The following TMEM106B variants were observed in gnomAD, a reference collection of about 807,000 sequenced individuals.
TMEM106B encodes transmembrane protein 106B.
TMEM106B carries 15 observed loss-of-function variants against 31.1 expected under a neutral mutation model. The ratio of observed to expected loss-of-function variants is 0.48; its 90% confidence interval spans 0.32 to 0.74. The LOEUF (loss-of-function observed/expected upper bound fraction) is 0.74, where lower values mean the gene tolerates loss of function less well. Ranked by LOEUF, TMEM106B falls within the 30% of genes least tolerant of loss-of-function variation. The probability of loss-of-function intolerance (pLI) is 0.03; values close to 1 mark genes in which losing one functional copy is unlikely to be tolerated. For missense variants in TMEM106B, 283 were observed against 327.3 expected (o/e 0.86, Z 1.04); for synonymous variants, 126 against 112.5 (o/e 1.12, Z -0.76).
rs1651692835 is a variant in TMEM106B, at chr7:12,232,758, G to T, written c.*783G>T. On this transcript the variant is annotated 3_prime_UTR_variant, in exon 8 of 8. Transcript: ENST00000396668. ...GCTTTAGTAAATGTCAAATAAAGTG[G>T]TACAGACTCATTACAACAAGTTTCT... 1 of 152,174 alleles carries T rather than the reference G, an allele frequency of 6.6e-6. No homozygotes were observed. Among genetic ancestry groups the T allele is most frequent in the Non-Finnish European group, 1.5e-5 (1 of 67,786 alleles). 9.4% of individuals were successfully genotyped at this position (152,174 alleles called of 1,614,324 possible). A position where few individuals can be genotyped will look rare whatever the true frequency, so the allele number is the denominator to read the frequency against.
intron 1 of TMEM106B, 70 bp downstream of exon 1, chr7:12,211,495 T>A (rs1278621335): frequency 6.6e-6 from 1 of 152,490 alleles, no homozygotes; most frequent in Non-Finnish European, 1.5e-5. Context: ...CGCCGCGGCT[T>A]GAGCCGGGCC....
At chr7:12,223,260 AGTAT>A (rs979273885) in intron 3 of TMEM106B, among the ~76,000 whole-genome samples, 12 of 152,232 alleles carry the variant, frequency 7.9e-5, no homozygotes, top group African/African-American at 1.2e-4. Context: ...TTAAAAACTG[AGTAT>A]GTAAGTACTT....
chr7:12,227,197 G>C (rs191984237), intron 4 of TMEM106B, among the ~76,000 whole-genome samples: 145 of 152,122 alleles, frequency 9.5e-4, no homozygotes, highest in Non-Finnish European at 1.4e-3. Flanking sequence ...AATGAGATAA[G>C]AGGCTGAATT....
chr7:12,237,113 A>G lies in TMEM106B; in HGVS notation c.*5138A>G, dbSNP rs1459643561. ...TAATTATTATTGCTGTTCATGTAAC[A>G]AAACATGCTTATAATAGCAAACAAA... On this transcript the variant is annotated 3_prime_UTR_variant, in exon 8 of 8. Coordinates refer to ENST00000396668, the MANE Select transcript of TMEM106B (RefSeq NM_001134232.2). The G allele has an allele frequency of 4.0e-5, 1 of 24,854 alleles. No individual in the cohort carries two copies. Among genetic ancestry groups the G allele is most frequent in the Non-Finnish European group, 7.4e-5 (1 of 13,496 alleles). 1.5% of individuals were successfully genotyped at this position (24,854 alleles called of 1,614,324 possible).
intron 6 of TMEM106B, 100 bp downstream of exon 6, chr7:12,230,538 AAAAGAGTAC>A: frequency 1.3e-6 from 1 of 769,530 alleles, no homozygotes; most frequent in Non-Finnish European, 2.1e-6. Flanking sequence ...TTATCAGTCA[AAAAGAGTAC>A]ATTATGTAGT....
In TMEM106B at chr7:12,224,339, A is replaced by G. The variant is rs768774025; in HGVS notation, c.395A>G (p.Tyr132Cys). 5 of 1,613,932 alleles carry G rather than the reference A, an allele frequency of 3.1e-6. No individual in the cohort carries two copies. The highest frequency in any genetic ancestry group is 4.2e-6 in the Non-Finnish European group (5 of 1,179,852). Residue 132 changes from tyrosine to cysteine, a missense_variant, in exon 4 of 8, where the codon TAT becomes TGT. By Grantham distance (194) the Tyr-to-Cys change is radical. Transcript: ENST00000396668. ...AAATACATTGGTGTAAAATCAGCCT[A>G]TGTCAGTTATGATGTTCAGAAGCGT... is the stretch of plus-strand genomic sequence containing the variant. The part of the protein sequence containing the change: ...DVKYIGVKSA[Y>C]VSYDVQKRTI...
chr7:12,240,820 T>A lies in TMEM106B; in HGVS notation c.*8845T>A, dbSNP rs1329613634. On this transcript the variant is annotated 3_prime_UTR_variant, in exon 8 of 8. Transcript: ENST00000396668. ...TGCTTTGATTTGAGAGCAGAAGACCTGCAGCCCCTGACTGCTCACCTTTCC... is the reference window on the plus strand; with the variant it reads ...TGCTTTGATTTGAGAGCAGAAGACCAGCAGCCCCTGACTGCTCACCTTTCC... The A allele has an allele frequency of 6.6e-6, 1 of 152,124 alleles. No individual in the cohort carries two copies. Among genetic ancestry groups the A allele is most frequent in the East Asian group, 1.9e-4 (1 of 5,188 alleles). The allele number at this position is 152,124 out of a possible 1,614,324, so 9.4% of individuals were successfully genotyped here. A position where few individuals can be genotyped will look rare whatever the true frequency, so the allele number is the denominator to read the frequency against.
At position 12,232,143 on chromosome 7, in the gene TMEM106B, CTG is replaced by C; in HGVS notation, c.*172_*173del. ...CCTGCAGTTCTTGTAACTCTCCACT[CTG>C]TGTTAATGATATATTTGTACTAGGA... On this transcript the variant is annotated 3_prime_UTR_variant, in exon 8 of 8. Coordinates refer to ENST00000396668, the MANE Select transcript of TMEM106B (RefSeq NM_001134232.2). 1 of 517,512 alleles carries C rather than the reference CTG, an allele frequency of 1.9e-6. No homozygotes were observed. 32.1% of individuals were successfully genotyped at this position (517,512 alleles called of 1,614,324 possible). A position where few individuals can be genotyped will look rare whatever the true frequency, so the allele number is the denominator to read the frequency against.
rs1283609269 is a variant in TMEM106B, at chr7:12,214,882, A to C, written c.72A>C (p.Glu24Asp). The C allele has an allele frequency of 6.2e-7, 1 of 1,614,076 alleles. No homozygotes were observed. Among genetic ancestry groups the C allele is most frequent in the East Asian group, 2.2e-5 (1 of 44,856 alleles). Reference sequence around the variant, plus strand: ...ATGCTTATGATGGAGTCACATCTGAAAACATGAGGAATGGACTGGTTAATA... The same window carrying C: ...ATGCTTATGATGGAGTCACATCTGACAACATGAGGAATGGACTGGTTAATA... ...KEDAYDGVTS[E>D]NMRNGLVNSE... The change falls in exon 2 of 8, where the codon GAA becomes GAC. Residue 24 changes from glutamate (E) to aspartate (D), a missense_variant. Around this residue, in one of 3 missense-constraint regions of TMEM106B, gnomAD observed 77 missense variants for 89.4 expected, o/e 0.86. Coordinates refer to ENST00000396668, the MANE Select transcript of TMEM106B (RefSeq NM_001134232.2).
intron 2 of TMEM106B, among the ~76,000 whole-genome samples, 187 bp from the exon 3 acceptor site, chr7:12,218,271 C>T (rs761277969): frequency 7.6e-5 from 11 of 144,856 alleles, no homozygotes; most frequent in Admixed American, 2.1e-4. Flanking sequence ...TAGACATTTA[C>T]GTGTGAAAAA....
rs1782151414 is a variant in TMEM106B, at chr7:12,237,037, CT to C, written c.*5063del. The C allele has an allele frequency of 6.6e-6, 1 of 150,976 alleles. No individual in the cohort carries two copies. The highest frequency in any genetic ancestry group is 2.1e-4 in the South Asian group (1 of 4,828). The allele number at this position is 150,976 out of a possible 1,614,324, so 9.4% of individuals were successfully genotyped here. On this transcript the variant is annotated 3_prime_UTR_variant, in exon 8 of 8. Coordinates refer to ENST00000396668, the MANE Select transcript of TMEM106B (RefSeq NM_001134232.2). ...TTTACTGTTTATATTATGTAGTAGC[CT>C]CCATCATGACACACTTACTACATTT... is the stretch of plus-strand genomic sequence containing the variant.
intron 7 of TMEM106B, 121 bp downstream of exon 7, chr7:12,231,236 A>G (rs953426715): frequency 1.4e-6 from 1 of 702,366 alleles, no homozygotes; most frequent in East Asian, 2.8e-5. Flanking sequence ...AAGCCTTACA[A>G]GAGTGCTATG....
At chr7:12,223,805 C>T (rs1192966677) in intron 3 of TMEM106B, among the ~76,000 whole-genome samples, 1 of 150,338 alleles carries the variant, frequency 6.7e-6, no homozygotes, top group African/African-American at 2.5e-5. Context: ...ACTCCAACCT[C>T]TGCCTCCCGG....
Position 12,229,838 on chromosome 7 carries a change from A to C in TMEM106B, c.582+19A>C. 1 of 1,589,718 alleles carries C rather than the reference A, an allele frequency of 6.3e-7. No individual in the cohort carries two copies. On this transcript the variant is annotated intron_variant, in intron 5 of 7. Transcript: ENST00000396668. ...GAAACAAGTAAGAATCAATCATGAA[A>C]TACTTTGTAAGAGTTAAATGAATGT...
chr7:12,218,471 A>G lies in TMEM106B; in HGVS notation c.231A>G (p.Gln77=), dbSNP rs765398796. The G allele has an allele frequency of 1.1e-5, 18 of 1,612,632 alleles. No homozygotes were observed. The Admixed American group carries it at 1.2e-4, about 10-fold the overall frequency. The change falls in exon 3 of 8, where the codon CAA becomes CAG. Residue 77 remains glutamine (Q), a synonymous_variant. Transcript: ENST00000396668. ...TTTCACATTTAGGGCAAGAAAACCAACTGGTGGCATTGATTCCATATAGTG... is the reference window on the plus strand; with the variant it reads ...TTTCACATTTAGGGCAAGAAAACCAGCTGGTGGCATTGATTCCATATAGTG... ...TGRIPRGQEN[Q]LVALIPYSDQ...
In TMEM106B at chr7:12,237,486, C is replaced by T. The variant is rs765181937; in HGVS notation, c.*5511C>T. ...GGAATTTATCTCATACGTGAAATTT[C>T]CCTTGATATTATAGACATACCTTGG... is the stretch of plus-strand genomic sequence containing the variant. On this transcript the variant is annotated 3_prime_UTR_variant, in exon 8 of 8. Coordinates refer to ENST00000396668, the MANE Select transcript of TMEM106B (RefSeq NM_001134232.2). 2.6e-5 allele frequency: 4 copies of T among 152,030 alleles called. No individual in the cohort carries two copies. Among genetic ancestry groups the T allele is most frequent in the Non-Finnish European group, 5.9e-5 (4 of 68,022 alleles). 9.4% of individuals were successfully genotyped at this position (152,030 alleles called of 1,614,324 possible).
At chr7:12,216,605 A>C (rs2128524325) in intron 2 of TMEM106B, among the ~76,000 whole-genome samples, 1 of 152,314 alleles carries the variant, frequency 6.6e-6, no homozygotes, top group African/African-American at 2.4e-5. Flanking sequence ...TAGTCAGTGC[A>C]GATGGCAAAA....
chr7:12,224,932 T>G (rs1417809609), intron 4 of TMEM106B, among the ~76,000 whole-genome samples: 2 of 152,082 alleles, frequency 1.3e-5, no homozygotes. Context: ...GTTTGTTACA[T>G]ATGTATACAG....
chr7:12,237,962 G>A lies in TMEM106B; in HGVS notation c.*5987G>A, dbSNP rs1026127129. 3 of 152,096 alleles carry A rather than the reference G, an allele frequency of 2.0e-5. No homozygotes were observed. Among genetic ancestry groups the A allele is most frequent in the African/African-American group, 7.3e-5 (3 of 41,364 alleles). 9.4% of individuals were successfully genotyped at this position (152,096 alleles called of 1,614,324 possible). On this transcript the variant is annotated 3_prime_UTR_variant, in exon 8 of 8. Transcript: ENST00000396668. ...TTGTTTGCTGATAGATCCATGTAGTGGTTACTAAAGTTGGGGTGGCTATGG... is the reference window on the plus strand; with the variant it reads ...TTGTTTGCTGATAGATCCATGTAGTAGTTACTAAAGTTGGGGTGGCTATGG...
Sources: gnomAD v4.1 joint callset for allele counts (sites outside exome capture counted in the v4.1 genomes callset) on GRCh38, gnomAD v4.1.1 for gene constraint, gnomAD v4.1.1 regional missense constraint, MANE v1.5 for transcripts, NCBI Gene and HGNC (gene_info 2026-07-23, HGNC 2026-07-21) for gene names.